Variants in COPG2 observed in about 807,000 individuals in gnomAD.
COPG2 encodes coat protein complex I subunit gamma 2, also known as coatomer subunit gamma-2.
In COPG2, 37 loss-of-function variants were observed where a neutral mutation model predicts 46.3. The observed-to-expected ratio is 0.80, with a 90% CI of 0.61 to 1.05. The LOEUF is 1.05. Among genes scored for constraint, COPG2 ranks in the 50% least tolerant of loss-of-function variants. The pLI is 0.00. For missense variants in COPG2, 427 were observed against 387.8 expected, an observed-to-expected ratio of 1.10 and a Z score of -0.85; for synonymous variants, 159 against 129.7, an observed-to-expected ratio of 1.23 and a Z score of -1.53.
At chr7:130,621,276 T>G (rs1383467473) in intron 5 of COPG2, among the ~76,000 whole-genome samples, 1 of 152,250 alleles carries the variant, frequency 6.6e-6, no homozygotes, top group Non-Finnish European at 1.5e-5. Context: ...ACTTCTAGCC[T>G]CCAGAACTGT....
chr7:130,649,014 T>C (rs1271457185), intron 5 of COPG2, among the ~76,000 whole-genome samples: 2 of 152,232 alleles, frequency 1.3e-5, no homozygotes, highest in East Asian at 3.8e-4. Context: ...CGTAGAATTC[T>C]CAAAAACCTT....
Position 130,548,557 on chromosome 7 carries a change from G to T in COPG2, c.1838-15C>A. On this transcript the variant is annotated splice_polypyrimidine_tract_variant and intron_variant, in intron 18 of 23. Transcript: ENST00000425248. ...AGCCAATTGTTCTATCAAGAAAAAA[G>T]AACGTAGGCTATGAAGAAGACAGGG... 2.5e-6 allele frequency: 1 copy of T among 398,542 alleles called. No homozygotes were observed. Among genetic ancestry groups the T allele is most frequent in the South Asian group, 1.3e-4 (1 of 7,860 alleles). 24.7% of individuals were successfully genotyped at this position (398,542 alleles called of 1,614,324 possible). A position where few individuals can be genotyped will look rare whatever the true frequency, so the allele number is the denominator to read the frequency against.
chr7:130,561,628 C>A (rs1027308197), intron 11 of COPG2, among the ~76,000 whole-genome samples: 1 of 152,126 alleles, frequency 6.6e-6, no homozygotes, highest in Admixed American at 6.5e-5. Flanking sequence ...TTTCAAGACG[C>A]AAACTCCAGC....
intron 9 of COPG2, among the ~76,000 whole-genome samples, chr7:130,568,399 G>A (rs1793840187): frequency 6.6e-6 from 1 of 152,172 alleles, no homozygotes; most frequent in Non-Finnish European, 1.5e-5. Flanking sequence ...CACCAAAAGT[G>A]AGCAGGAGTA....
chr7:130,572,059 G>A (rs1554445622), intron 9 of COPG2, among the ~76,000 whole-genome samples: 1 of 152,020 alleles, frequency 6.6e-6, no homozygotes. Flanking sequence ...GCAAAGGCAT[G>A]AGAATGATAC....
At chr7:130,637,027 C>T (rs1554456383) in intron 5 of COPG2, among the ~76,000 whole-genome samples, 1 of 152,016 alleles carries the variant, frequency 6.6e-6, no homozygotes, top group Non-Finnish European at 1.5e-5. Flanking sequence ...AAATTCTTTT[C>T]TTTAAGAATG....
chr7:130,512,317 A>C (rs1368909800), intron 20 of COPG2, among the ~76,000 whole-genome samples: 1 of 152,012 alleles, frequency 6.6e-6, no homozygotes, highest in Non-Finnish European at 1.5e-5. Context: ...CATCTAAAAA[A>C]AAAAAACAAA....
rs1385436820 is a variant in COPG2, at chr7:130,561,167, A to G, written c.994T>C (p.Leu332=). The change falls in exon 12 of 24, where the codon TTA becomes CTA. Residue 332 remains leucine, a synonymous_variant. Transcript: ENST00000425248. ...ATGCTTCTGTTTGAGTCTGTGATTA[A>G]GTTTTCTAAGTCCAGATTGCAGGCA... ...VTACNLDLEN[L]ITDSNRSIAT... 3 of 398,492 alleles carry G rather than the reference A, an allele frequency of 7.5e-6. No homozygotes were observed. The East Asian group carries it at 1.1e-4, about 14-fold the overall frequency. The allele number at this position is 398,492 out of a possible 1,614,324, so 24.7% of individuals were successfully genotyped here.
intron 9 of COPG2, among the ~76,000 whole-genome samples, chr7:130,585,926 T>G (rs1554447911): frequency 6.6e-6 from 1 of 152,054 alleles, no homozygotes; most frequent in South Asian, 2.1e-4. Flanking sequence ...CTTAAAGAAC[T>G]AAAAGTAGAA....
intron 5 of COPG2, among the ~76,000 whole-genome samples, chr7:130,623,861 A>G (rs782569822): frequency 1.1e-4 from 16 of 152,270 alleles, no homozygotes; most frequent in South Asian, 4.1e-4. Context: ...TTTTTCAAAA[A>G]ACAAGGTATC....
chr7:130,545,170 T>TATTTCATTTCATTTCATTTC lies in COPG2; in HGVS notation c.2149+2484_2149+2503dup, dbSNP rs1221165104. On this transcript the variant is annotated intron_variant, in intron 20 of 23. Coordinates refer to ENST00000425248, the MANE Select transcript of COPG2 (RefSeq NM_012133.6). The stretch of plus-strand genomic sequence containing the variant: ...GCACCATGTGAAGCAACTTACCTAT[T>TATTTCATTTCATTTCATTTC]ATTTCATTTCATTTCATTTCATTTC... Among the ~76,000 whole-genome samples the TATTTCATTTCATTTCATTTC allele has an allele frequency of 4.3e-3, 644 of 150,022 alleles. 1 individual carries two copies. The highest frequency in any genetic ancestry group is 5.5e-3 in the Non-Finnish European group (369 of 67,552).
intron 5 of COPG2, among the ~76,000 whole-genome samples, chr7:130,641,508 G>GC (rs1795487855): frequency 6.6e-6 from 1 of 152,158 alleles, no homozygotes; most frequent in African/African-American, 2.4e-5. Flanking sequence ...GTTTCTGAAA[G>GC]CCAAAGATGG....
chr7:130,655,112 T>C (rs1477149785), intron 4 of COPG2, among the ~76,000 whole-genome samples: 2 of 152,176 alleles, frequency 1.3e-5, no homozygotes, highest in East Asian at 3.8e-4. Context: ...TTCTCCTGTT[T>C]ATAGATAATA....
At chr7:130,559,961 T>A (rs1793690992) in intron 12 of COPG2, among the ~76,000 whole-genome samples, 1 of 152,198 alleles carries the variant, frequency 6.6e-6, no homozygotes, top group African/African-American at 2.4e-5. Context: ...TTTAAAATCA[T>A]CTCTGACATA....
chr7:130,582,008 A>G (rs1554447251), intron 9 of COPG2, among the ~76,000 whole-genome samples: 1 of 152,234 alleles, frequency 6.6e-6, no homozygotes, highest in Non-Finnish European at 1.5e-5. Context: ...TTTAAAGTTC[A>G]TATGGAACCA....
chr7:130,509,959 G>C (rs782136031), intron 20 of COPG2: 1 of 471,520 alleles, frequency 2.1e-6, no homozygotes, highest in Non-Finnish European at 4.3e-6. Flanking sequence ...CAAAAGGAAA[G>C]AGGCCAGAAA....
At chr7:130,609,522 G>A (rs1320025848) in intron 9 of COPG2, among the ~76,000 whole-genome samples, 1 of 152,128 alleles carries the variant, frequency 6.6e-6, no homozygotes, top group Non-Finnish European at 1.5e-5. Context: ...AAATTGCCCA[G>A]TCTCGGGTAT....
intron 9 of COPG2, among the ~76,000 whole-genome samples, chr7:130,568,764 A>G (rs977178776): frequency 1.2e-4 from 19 of 152,216 alleles, no homozygotes; most frequent in Non-Finnish European, 2.2e-4. Context: ...TATACATTCT[A>G]TTCATCAGCA....
chr7:130,591,154 CCCCCGCCCGG>C (rs1794406659), intron 9 of COPG2, among the ~76,000 whole-genome samples: 11 of 131,790 alleles, frequency 8.3e-5, no homozygotes, highest in African/African-American at 2.8e-4. Context: ...GGGGGTCAGC[CCCCCGCCCGG>C]CCAGCCGCCC....
Sources: gnomAD v4.1 joint callset for allele counts (sites outside exome capture counted in the v4.1 genomes callset) on GRCh38, gnomAD v4.1.1 for gene constraint, MANE v1.5 for transcripts, NCBI Gene and HGNC (gene_info 2026-07-23, HGNC 2026-07-21) for gene names.